PGBD5: variants seen among roughly 807,000 people sequenced by gnomAD.
PGBD5 encodes piggyBac transposable element-derived protein 5.
PGBD5 carries 14 observed loss-of-function variants against 47.9 expected under a neutral mutation model. The observed-to-expected ratio is 0.29, with a 90% CI of 0.19 to 0.46. The LOEUF (loss-of-function observed/expected upper bound fraction) is 0.46. Ranked by LOEUF, PGBD5 falls within the 20% of genes least tolerant of loss-of-function variation. PGBD5 has a pLI of 1.00. For synonymous variants in PGBD5, 316 were observed against 306.3 expected, an observed-to-expected ratio of 1.03 and a Z score of -0.33; for missense variants, 635 against 716.0, an observed-to-expected ratio of 0.89 and a Z score of 1.29.
Position 230,346,613 on chromosome 1 carries a change from T to C in PGBD5, c.894+4345A>G, listed in dbSNP as rs188732667. 1.8e-4 allele frequency among the ~76,000 whole-genome samples: 27 copies of C among 152,316 alleles called. 1 individual carries two copies. Among genetic ancestry groups the C allele is most frequent in the East Asian group, 1.7e-3 (9 of 5,192 alleles). ...CCTTATAAATAATTCCCTGCCTGCC[T>C]ACTTTTGTCTTAAGTGCTGCTATTA... is the stretch of plus-strand genomic sequence containing the variant. On this transcript the variant is annotated intron_variant, in intron 3 of 6. Coordinates refer to ENST00000391860, the MANE Select transcript of PGBD5 (RefSeq NM_001258311.2).
intron 1 of PGBD5, among the ~76,000 whole-genome samples, chr1:230,393,605 A>T (rs1656843907): frequency 6.6e-6 from 1 of 152,160 alleles, no homozygotes; most frequent in Non-Finnish European, 1.5e-5. Flanking sequence ...TGGGAGGCAG[A>T]GGCAGGCGGA....
intron 2 of PGBD5, among the ~76,000 whole-genome samples, chr1:230,351,997 C>G (rs551142876): frequency 6.6e-6 from 1 of 152,318 alleles, no homozygotes; most frequent in South Asian, 2.1e-4. Flanking sequence ...ACTTCCCTCC[C>G]TGATCCTATC....
At chr1:230,424,502 C>T (rs1281263066) in intron 1 of PGBD5, among the ~76,000 whole-genome samples, 2 of 152,232 alleles carry the variant, frequency 1.3e-5, no homozygotes. Context: ...TCCCAGCAGG[C>T]TGCAGCATGA....
At position 230,357,490 on chromosome 1, in the gene PGBD5, A is replaced by G. The variant is rs918235348; in HGVS notation, c.332-169T>C. Among the ~76,000 whole-genome samples, 3 of 152,170 alleles carry G rather than the reference A, an allele frequency of 2.0e-5. No individual in the cohort carries two copies. The highest frequency in any genetic ancestry group is 7.2e-5 in the African/African-American group (3 of 41,438). On this transcript the variant is annotated intron_variant, in intron 1 of 6. Coordinates refer to ENST00000391860, the MANE Select transcript of PGBD5 (RefSeq NM_001258311.2). The surrounding 1 kb of genome is among the most constrained non-coding windows in gnomAD (Gnocchi z 5.7). Reference sequence around the variant, plus strand: ...CCAGAAGCTGCTGCAACCACCTGACAGTGCCGGCTCCCATAGCTTTTGTAC... The same window carrying G: ...CCAGAAGCTGCTGCAACCACCTGACGGTGCCGGCTCCCATAGCTTTTGTAC...
At chr1:230,415,153 C>T (rs984190104) in intron 1 of PGBD5, among the ~76,000 whole-genome samples, 2 of 151,950 alleles carry the variant, frequency 1.3e-5, no homozygotes, top group Admixed American at 6.6e-5. Flanking sequence ...CTGTAGTCTC[C>T]GCTGAGACTG....
At chr1:230,378,479 C>T (rs1392635622) in intron 1 of PGBD5, among the ~76,000 whole-genome samples, 1 of 152,214 alleles carries the variant, frequency 6.6e-6, no homozygotes, top group Non-Finnish European at 1.5e-5. Context: ...CCTACAAGCA[C>T]CTGAGCATGC....
Position 230,323,363 on chromosome 1 carries a change from T to G in PGBD5, c.*62A>C. The stretch of plus-strand genomic sequence containing the variant: ...GTGTCCGGGTCTCTGATGGGCAAGT[T>G]GGAACGGCAGGCTCTCCTCCTCCTC... On this transcript the variant is annotated 3_prime_UTR_variant, in exon 7 of 7. Transcript: ENST00000391860. The surrounding 1 kb of genome is among the most constrained non-coding windows in gnomAD (Gnocchi z 4.1). 1.9e-6 allele frequency: 3 copies of G among 1,556,702 alleles called. No individual in the cohort carries two copies. The highest frequency in any genetic ancestry group is 2.2e-5 in the East Asian group (1 of 44,588).
At position 230,323,643 on chromosome 1, in the gene PGBD5, CG is replaced by C. The variant is rs1558189148; in HGVS notation, c.1380-24del. ...TACCTGAGGACAGAGGGAATAAGAA[CG>C]GCTGACCCGATGGTTCATGGCACCC... On this transcript the variant is annotated intron_variant, in intron 6 of 6. Transcript: ENST00000391860. This position sits in a 1 kb window ranked among gnomAD's most constrained non-coding sequence, Gnocchi z 4.1. 6.3e-7 allele frequency: 1 copy of C among 1,599,834 alleles called. No homozygotes were observed. The highest frequency in any genetic ancestry group is 2.2e-5 in the East Asian group (1 of 44,742).
intron 1 of PGBD5, chr1:230,377,471 G>T: frequency 6.2e-7 from 1 of 1,609,844 alleles, no homozygotes; most frequent in Non-Finnish European, 8.5e-7. Context: ...GCCCAGAGCT[G>T]GAAGGGCCTT....
In PGBD5 at chr1:230,415,662, C is replaced by A. The variant is rs114216553; in HGVS notation, c.331+9936G>T. ...GGCAGATGACAGACCTCAGTGAGAA[C>A]GTCTGCTTACGTTGCACTGTTCAGA... is the stretch of plus-strand genomic sequence containing the variant. On this transcript the variant is annotated intron_variant, in intron 1 of 6. Coordinates refer to ENST00000391860, the MANE Select transcript of PGBD5 (RefSeq NM_001258311.2). 4.6e-3 allele frequency among the ~76,000 whole-genome samples: 695 copies of A among 152,306 alleles called. 7 individuals carry two copies. Among genetic ancestry groups the A allele is most frequent in the African/African-American group, 0.016 (647 of 41,554 alleles).
intron 5 of PGBD5, among the ~76,000 whole-genome samples, chr1:230,331,978 A>C: frequency 6.8e-6 from 1 of 147,300 alleles, no homozygotes; most frequent in Non-Finnish European, 1.5e-5. Context: ...ACATACATTA[A>C]ACATAGATGC....
At chr1:230,394,408 G>A (rs528692834) in intron 1 of PGBD5, among the ~76,000 whole-genome samples, 6 of 141,900 alleles carry the variant, frequency 4.2e-5, no homozygotes, top group African/African-American at 1.3e-4. Flanking sequence ...CTCCTCCCCC[G>A]CTGCCCACAC....
intron 1 of PGBD5, among the ~76,000 whole-genome samples, chr1:230,368,326 G>GC (rs1667874799): frequency 6.6e-6 from 1 of 152,266 alleles, no homozygotes; most frequent in South Asian, 2.1e-4. Context: ...AGAGTGTGCG[G>GC]CCCGGCAGGG....
intron 1 of PGBD5, among the ~76,000 whole-genome samples, chr1:230,366,951 G>A (rs2102714047): frequency 6.6e-6 from 1 of 152,154 alleles, no homozygotes; most frequent in South Asian, 2.1e-4. Flanking sequence ...GCCTCTGCTT[G>A]GGTACCAAAA....
At chr1:230,406,331 A>G (rs898945971) in intron 1 of PGBD5, among the ~76,000 whole-genome samples, 131 of 151,622 alleles carry the variant, frequency 8.6e-4, no homozygotes, top group African/African-American at 2.9e-3. Context: ...AAAAAAAAAA[A>G]AAAGAAATTC....
At chr1:230,395,752 A>C (rs1049987696) in intron 1 of PGBD5, among the ~76,000 whole-genome samples, 2 of 2,456 alleles carry the variant, frequency 8.1e-4, no homozygotes, top group Non-Finnish European at 1.6e-3. Flanking sequence ...TGAGCTCCTC[A>C]CTCCCACCCT....
chr1:230,363,227 G>A (rs1210174131), intron 1 of PGBD5, among the ~76,000 whole-genome samples: 1 of 152,196 alleles, frequency 6.6e-6, no homozygotes, highest in African/African-American at 2.4e-5. Flanking sequence ...ATTCAGATCT[G>A]GAGGCCAGCT....
intron 1 of PGBD5, among the ~76,000 whole-genome samples, chr1:230,372,782 T>C (rs1413685703): frequency 6.6e-6 from 1 of 152,220 alleles, no homozygotes; most frequent in Admixed American, 6.5e-5. Context: ...GAATAAATGA[T>C]GTGTGAGTCC....
Position 230,425,576 on chromosome 1 carries a change from C to G in PGBD5, c.331+22G>C. The G allele has an allele frequency of 2.5e-6, 3 of 1,218,464 alleles. No homozygotes were observed. The highest frequency in any genetic ancestry group is 3.1e-6 in the Non-Finnish European group (3 of 979,430). The allele number at this position is 1,218,464 out of a possible 1,614,324, so 75.5% of individuals were successfully genotyped here. ...CCGGTTCCAGCGCCGCCCCCGACATCCACCCGCGGGCAGCCCCTTACCGCC... is the reference window on the plus strand; with the variant it reads ...CCGGTTCCAGCGCCGCCCCCGACATGCACCCGCGGGCAGCCCCTTACCGCC... On this transcript the variant is annotated intron_variant, in intron 1 of 6. Transcript: ENST00000391860. The surrounding 1 kb of genome is among the most constrained non-coding windows in gnomAD (Gnocchi z 4.7).
Sources: gnomAD v4.1 joint callset for allele counts (sites outside exome capture counted in the v4.1 genomes callset) on GRCh38, gnomAD v4.1.1 for gene constraint, Gnocchi (gnomAD v3.1) non-coding constraint, MANE v1.5 for transcripts, NCBI Gene and HGNC (gene_info 2026-07-23, HGNC 2026-07-21) for gene names.